Variants in LGSN observed in about 807,000 individuals in gnomAD.
The protein encoded by LGSN is lengsin, lens protein with glutamine synthetase domain.
A neutral mutation model predicts 19.5 loss-of-function variants in LGSN; 21 were observed. The observed-to-expected ratio is 1.07, with a 90% confidence interval of 0.76 to 1.55. The LOEUF (loss-of-function observed/expected upper bound fraction) is 1.55. Ranked by LOEUF, LGSN falls within the 40% of genes most tolerant of loss-of-function variation. The pLI is 0.00. For missense variants in LGSN, 673 were observed against 608.5 expected (o/e 1.11, Z -1.12); for synonymous variants, 257 against 215.6 (o/e 1.19, Z -1.68).
At chr6:63,543,767 C>T in the LGSN span, among the ~76,000 whole-genome samples, 1 of 152,206 alleles carries the variant, frequency 6.6e-6, no homozygotes, top group Non-Finnish European at 1.5e-5. Context: ...CTTATAATGA[C>T]ATTCTCCTAT....
At chr6:63,434,935 C>T in the LGSN span, among the ~76,000 whole-genome samples, 568 of 152,332 alleles carry the variant, frequency 3.7e-3, 2 homozygotes, top group African/African-American at 0.013. Context: ...TTTCCCTGTT[C>T]TCTCTTCTTT....
chr6:63,429,957 G>A, the LGSN span, among the ~76,000 whole-genome samples: 5 of 152,170 alleles, frequency 3.3e-5, no homozygotes, highest in Admixed American at 3.3e-4. Context: ...AAAGGGAACT[G>A]TTCATCCATA....
At chr6:63,436,112 T>C in the LGSN span, among the ~76,000 whole-genome samples, 1 of 152,152 alleles carries the variant, frequency 6.6e-6, no homozygotes, top group Non-Finnish European at 1.5e-5. Context: ...TGGAAGAACA[T>C]TGCTGACCAC....
chr6:63,488,455 G>A, the LGSN span, among the ~76,000 whole-genome samples: 2 of 152,128 alleles, frequency 1.3e-5, no homozygotes, highest in Non-Finnish European at 2.9e-5. Flanking sequence ...ACCTTGATGA[G>A]CAGGAAGCCA....
chr6:63,534,675 C>T, the LGSN span, among the ~76,000 whole-genome samples: 2 of 151,876 alleles, frequency 1.3e-5, no homozygotes, highest in African/African-American at 2.4e-5. Flanking sequence ...TCACCAGGCA[C>T]GGTGGCTCAT....
the LGSN span, among the ~76,000 whole-genome samples, chr6:63,432,559 G>GT: frequency 6.6e-6 from 1 of 151,972 alleles, no homozygotes; most frequent in Non-Finnish European, 1.5e-5. Context: ...AGGCGTGGTG[G>GT]TGGGCGCCTG....
At chr6:63,532,652 C>G in the LGSN span, among the ~76,000 whole-genome samples, 1 of 152,032 alleles carries the variant, frequency 6.6e-6, no homozygotes, top group Non-Finnish European at 1.5e-5. Context: ...AACCGAAGAG[C>G]AAGTATGATG....
the LGSN span, among the ~76,000 whole-genome samples, chr6:63,394,623 G>A: frequency 7.2e-5 from 11 of 152,206 alleles, no homozygotes; most frequent in East Asian, 1.9e-3. Flanking sequence ...TGCCTTTGGC[G>A]TAACCATTCT....
the LGSN span, among the ~76,000 whole-genome samples, chr6:63,453,062 G>A: frequency 1.3e-5 from 2 of 151,962 alleles, no homozygotes; most frequent in Non-Finnish European, 2.9e-5. Flanking sequence ...TTTATTAAAA[G>A]CATAGTGTTT....
the LGSN span, among the ~76,000 whole-genome samples, chr6:63,508,059 A>G: frequency 9.7e-5 from 10 of 103,618 alleles, no homozygotes; most frequent in African/African-American, 6.1e-4. Context: ...CAACCAATTC[A>G]TGGTTAACTG....
chr6:63,496,818 CA>C, the LGSN span, among the ~76,000 whole-genome samples: 1 of 151,782 alleles, frequency 6.6e-6, no homozygotes, highest in Non-Finnish European at 1.5e-5. Context: ...AGATGAAATG[CA>C]AATAGATAAA....
chr6:63,489,803 T>A, the LGSN span, among the ~76,000 whole-genome samples: 1 of 152,142 alleles, frequency 6.6e-6, no homozygotes. Context: ...GTCTCCTGGG[T>A]TCAAGTGATT....
At chr6:63,306,368 T>C (rs1582042699) in intron 1 of LGSN, among the ~76,000 whole-genome samples, 1 of 152,212 alleles carries the variant, frequency 6.6e-6, no homozygotes, top group Non-Finnish European at 1.5e-5. Context: ...TATAGTGTGA[T>C]CTGTGTAACT....
chr6:63,370,874 A>G, the LGSN span, among the ~76,000 whole-genome samples: 1 of 152,216 alleles, frequency 6.6e-6, no homozygotes, highest in Non-Finnish European at 1.5e-5. Flanking sequence ...AATAGGAAAA[A>G]GCATTTTTCC....
intron 3 of LGSN, among the ~76,000 whole-genome samples, chr6:63,282,670 G>A (rs115209707): frequency 0.016 from 2,436 of 152,198 alleles, 74 homozygotes; most frequent in African/African-American, 0.056. Flanking sequence ...ACATATTTTT[G>A]AATGCTATTT....
At chr6:63,394,356 G>A in the LGSN span, among the ~76,000 whole-genome samples, 2 of 152,160 alleles carry the variant, frequency 1.3e-5, no homozygotes, top group African/African-American at 4.8e-5. Context: ...AGTGACCTCT[G>A]GAGGTCCTCA....
At chr6:63,437,272 C>G in the LGSN span, among the ~76,000 whole-genome samples, 12 of 149,710 alleles carry the variant, frequency 8.0e-5, no homozygotes, top group Admixed American at 7.9e-4. Flanking sequence ...TTTTTTTTTT[C>G]GCCAAATTGT....
At chr6:63,540,251 GAGCCC>G in the LGSN span, among the ~76,000 whole-genome samples, 13,238 of 152,208 alleles carry the variant, frequency 0.087, 621 homozygotes, top group East Asian at 0.16. Flanking sequence ...GAAAAGGCAG[GAGCCC>G]AGATGTATAT....
chr6:63,412,500 A>G, the LGSN span, among the ~76,000 whole-genome samples: 224 of 108,282 alleles, frequency 2.1e-3, 5 homozygotes, highest in African/African-American at 9.3e-3. Context: ...GAAAGAAAGA[A>G]AGAAAGAAAG....
Sources: allele counts gnomAD v4.1 joint callset (sites outside exome capture counted in the v4.1 genomes callset), GRCh38; gene constraint gnomAD v4.1.1; transcripts MANE v1.5; gene names NCBI Gene and HGNC (gene_info 2026-07-23, HGNC 2026-07-21).